The following SLX4IP variants were observed in gnomAD, a reference collection of about 807,000 sequenced individuals.
The protein encoded by SLX4IP is SLX4 interacting protein.
Under a neutral mutation model 32.9 loss-of-function variants are expected in SLX4IP, and 34 were observed. The observed-to-expected ratio is 1.03, with a 90% CI of 0.79 to 1.38. The LOEUF (loss-of-function observed/expected upper bound fraction) is 1.38, where lower values mean the gene tolerates loss of function less well. SLX4IP is among the 40% of genes most tolerant of loss of function. The pLI is 0.00. For synonymous variants in SLX4IP, 172 were observed against 171.7 expected (o/e 1.00, Z -0.01); for missense variants, 444 against 479.0 (o/e 0.93, Z 0.68).
At chr20:10,567,139 T>C (rs939408565) in intron 4 of SLX4IP, among the ~76,000 whole-genome samples, 3 of 152,108 alleles carry the variant, frequency 2.0e-5, no homozygotes, top group African/African-American at 4.8e-5. Flanking sequence ...CCACATTGCT[T>C]ATGAGCCCTT....
At chr20:10,435,932 T>A (rs750350826) in intron 1 of SLX4IP, among the ~76,000 whole-genome samples, 4 of 152,218 alleles carry the variant, frequency 2.6e-5, no homozygotes, top group Non-Finnish European at 4.4e-5. Context: ...GAGCCTACAT[T>A]TTATCACCTT....
In SLX4IP at chr20:10,550,602, C is replaced by T. The variant is rs1259540817; in HGVS notation, c.28-5629C>T. Among the ~76,000 whole-genome samples the T allele has an allele frequency of 2.0e-5, 3 of 152,186 alleles. No homozygotes were observed. In the South Asian group the frequency reaches 6.2e-4, roughly 32 times the overall value. On this transcript the variant is annotated intron_variant, in intron 2 of 7. Coordinates refer to ENST00000334534, the MANE Select transcript of SLX4IP (RefSeq NM_001009608.3). ...TCCCCTTGCCCGCCCATGCTCCACA[C>T]TCCTACCCAAGAGAGCCCTCCAGCC... is the stretch of plus-strand genomic sequence containing the variant.
At chr20:10,527,532 G>T (rs77168482) in intron 2 of SLX4IP, among the ~76,000 whole-genome samples, 4,417 of 152,226 alleles carry the variant, frequency 0.029, 114 homozygotes, top group Admixed American at 0.098. Flanking sequence ...ACTCCATCCT[G>T]TCCCCAAGGA....
At chr20:10,477,898 CTTTTT>C (rs35993699) in intron 2 of SLX4IP, among the ~76,000 whole-genome samples, 2 of 129,850 alleles carry the variant, frequency 1.5e-5, no homozygotes, top group Non-Finnish European at 3.3e-5. Flanking sequence ...TACAATCTCC[CTTTTT>C]TTTTTTTTTT....
At chr20:10,445,933 C>CT (rs749557514) in intron 1 of SLX4IP, among the ~76,000 whole-genome samples, 4,739 of 60,362 alleles carry the variant, frequency 0.079, 256 homozygotes, top group African/African-American at 0.16. Flanking sequence ...GCTGAGATTG[C>CT]TTTTTTTTTT....
At chr20:10,436,481 C>A (rs370300036) in intron 1 of SLX4IP, among the ~76,000 whole-genome samples, 1 of 152,072 alleles carries the variant, frequency 6.6e-6, no homozygotes, top group African/African-American at 2.4e-5. Flanking sequence ...CTCAGCGTTC[C>A]CAGTAGCTGG....
chr20:10,589,058 AC>A (rs1210895616), intron 4 of SLX4IP, among the ~76,000 whole-genome samples: 1 of 152,208 alleles, frequency 6.6e-6, no homozygotes, highest in Non-Finnish European at 1.5e-5. Flanking sequence ...AATGTATACA[AC>A]TTTTATTTAT....
intron 6 of SLX4IP, chr20:10,614,105 C>T (rs1187668183): frequency 6.5e-7 from 1 of 1,530,042 alleles, no homozygotes; most frequent in Non-Finnish European, 8.9e-7. Context: ...CCTGCAGGGA[C>T]ACCTTGTGGT....
intron 4 of SLX4IP, among the ~76,000 whole-genome samples, chr20:10,592,096 A>G (rs1462505693): frequency 2.0e-5 from 3 of 152,214 alleles, no homozygotes. Flanking sequence ...AAATAGACAT[A>G]GCTTTATTGT....
At chr20:10,578,396 A>G (rs982501407) in intron 4 of SLX4IP, among the ~76,000 whole-genome samples, 1 of 152,208 alleles carries the variant, frequency 6.6e-6, no homozygotes, top group African/African-American at 2.4e-5. Context: ...CGTTCATTTT[A>G]TAACACATAT....
chr20:10,593,597 G>A (rs1238848405), intron 4 of SLX4IP, among the ~76,000 whole-genome samples: 1 of 152,118 alleles, frequency 6.6e-6, no homozygotes. Context: ...TTAGATGAGT[G>A]TGGTAGCATG....
intron 6 of SLX4IP, chr20:10,613,562 G>C: frequency 6.2e-7 from 1 of 1,612,268 alleles, no homozygotes; most frequent in Non-Finnish European, 8.5e-7. Context: ...TGCTCTGAAT[G>C]GCTGCCTTCA....
intron 2 of SLX4IP, among the ~76,000 whole-genome samples, chr20:10,463,232 C>T (rs184296580): frequency 9.9e-5 from 15 of 152,254 alleles, no homozygotes; most frequent in South Asian, 2.1e-4. Flanking sequence ...TTGAATGAGC[C>T]GAGAAGCAGA....
chr20:10,572,613 A>G (rs148680023), intron 4 of SLX4IP, among the ~76,000 whole-genome samples: 34 of 152,272 alleles, frequency 2.2e-4, no homozygotes, highest in Non-Finnish European at 4.3e-4. Context: ...TCTATTCTGT[A>G]TAACCTTTTC....
chr20:10,448,647 G>A (rs1184403608), intron 1 of SLX4IP, among the ~76,000 whole-genome samples: 2 of 152,188 alleles, frequency 1.3e-5, no homozygotes, highest in Non-Finnish European at 2.9e-5. Context: ...AAGGGACTCA[G>A]GCACTCTGAC....
chr20:10,512,174 G>A (rs1239353161), intron 2 of SLX4IP, among the ~76,000 whole-genome samples: 1 of 152,164 alleles, frequency 6.6e-6, no homozygotes, highest in African/African-American at 2.4e-5. Context: ...AAACAAGTGA[G>A]CATGGCTGTG....
intron 2 of SLX4IP, among the ~76,000 whole-genome samples, chr20:10,462,755 T>G (rs1182497287): frequency 6.6e-6 from 1 of 152,214 alleles, no homozygotes; most frequent in African/African-American, 2.4e-5. Flanking sequence ...AATTCCTTGA[T>G]GATTACTGTG....
chr20:10,518,355 CTT>C (rs1177938058), intron 2 of SLX4IP, among the ~76,000 whole-genome samples: 4 of 107,080 alleles, frequency 3.7e-5, no homozygotes, highest in Admixed American at 1.1e-4. Context: ...TTCTTTCTCT[CTT>C]TCTTTCTTTC....
chr20:10,522,057 A>C (rs1376409411), intron 2 of SLX4IP, among the ~76,000 whole-genome samples: 1 of 152,192 alleles, frequency 6.6e-6, no homozygotes. Flanking sequence ...CTCTAAAGTG[A>C]CTGGCCTCTC....
Sources: gnomAD v4.1 joint callset for allele counts (sites outside exome capture counted in the v4.1 genomes callset) on GRCh38, gnomAD v4.1.1 for gene constraint, MANE v1.5 for transcripts, NCBI Gene and HGNC (gene_info 2026-07-23, HGNC 2026-07-21) for gene names.